SAP30: variants seen among roughly 807,000 people sequenced by gnomAD.
SAP30 encodes histone deacetylase complex subunit SAP30.
A neutral mutation model predicts 19.6 loss-of-function variants in SAP30; 13 were observed. The observed-to-expected ratio is 0.66, with a 90% CI of 0.43 to 1.05. The LOEUF (loss-of-function observed/expected upper bound fraction) is 1.05, where lower values mean the gene tolerates loss of function less well. Ranked by LOEUF, SAP30 falls within the 50% of genes least tolerant of loss-of-function variation. The probability of loss-of-function intolerance (pLI) is 0.00; values close to 1 mark genes in which losing one functional copy is unlikely to be tolerated. For missense variants in SAP30, 257 were observed against 292.1 expected (o/e 0.88, Z 0.88); for synonymous variants, 108 against 122.7 (o/e 0.88, Z 0.79).
rs1298932888 is a variant in SAP30, at chr4:173,371,337, C to T, written c.155C>T (p.Ala52Val). The part of the protein sequence containing the change: ...AEVPGAGAVS[A>V]AGPPGAAGPG... ...GTGCCGGGCGCGGGGGCGGTCTCAG[C>T]GGCTGGGCCCCCGGGGGCGGCCGGG... The change falls in exon 1 of 4, where the codon GCG becomes GTG. Residue 52 changes from alanine (A) to valine (V), a missense_variant. Physicochemically the swap from Ala to Val is moderately conservative, Grantham distance 64. Transcript: ENST00000296504. This position sits in a 1 kb window ranked among gnomAD's most constrained non-coding sequence, Gnocchi z 6.4. 1.4e-5 allele frequency: 19 copies of T among 1,395,342 alleles called. No homozygotes were observed. Among genetic ancestry groups the T allele is most frequent in the Non-Finnish European group, 1.8e-5 (19 of 1,081,582 alleles). The allele number at this position is 1,395,342 out of a possible 1,614,324, so 86.4% of individuals were successfully genotyped here.
chr4:173,372,395 G>A (rs191702501), intron 1 of SAP30, among the ~76,000 whole-genome samples: 1 of 152,284 alleles, frequency 6.6e-6, no homozygotes, highest in East Asian at 1.9e-4. Flanking sequence ...TTTTTGAAAA[G>A]TTTATTTGTG....
rs1258014016 is a variant in SAP30 at position 173,371,406 on chromosome 4, G to T, written c.224G>T (p.Arg75Leu). ...QLCCLREDGE[R>L]CGRAAGNASF... The stretch of plus-strand genomic sequence containing the variant: ...TGCTGCCTGCGGGAGGATGGTGAGC[G>T]GTGCGGCCGGGCGGCAGGCAACGCC... The change falls in exon 1 of 4, where the codon CGG becomes CTG. Residue 75 changes from arginine to leucine, a missense_variant. Arg to Leu is a moderately radical substitution (Grantham distance 102). Transcript: ENST00000296504. The surrounding 1 kb of genome is among the most constrained non-coding windows in gnomAD (Gnocchi z 6.4). 3.1e-6 allele frequency: 5 copies of T among 1,588,726 alleles called. No individual in the cohort carries two copies. The highest frequency in any genetic ancestry group is 4.3e-6 in the Non-Finnish European group (5 of 1,174,682).
chr4:173,374,021 A>C lies in SAP30; in HGVS notation c.524A>C (p.Lys175Thr). The C allele has an allele frequency of 1.3e-6, 2 of 1,587,930 alleles. No individual in the cohort carries two copies. Among genetic ancestry groups the C allele is most frequent in the East Asian group, 2.3e-5 (1 of 44,144 alleles). ...FKLPTRPGLN[K>T]AQLVEIVGCH... Reference sequence around the variant, plus strand: ...CTACCAACCAGACCAGGACTTAATAAAGCACAACTTGTTGAGGTATATATG... The same window carrying C: ...CTACCAACCAGACCAGGACTTAATACAGCACAACTTGTTGAGGTATATATG... Residue 175 changes from lysine (K) to threonine (T), a missense_variant, in exon 3 of 4, where the codon AAA becomes ACA. Lys to Thr is a moderately conservative substitution (Grantham distance 78). Coordinates refer to ENST00000296504, the MANE Select transcript of SAP30 (RefSeq NM_003864.4).
intron 3 of SAP30, among the ~76,000 whole-genome samples, chr4:173,374,538 A>G (rs1324621768): frequency 6.6e-6 from 1 of 152,114 alleles, no homozygotes; most frequent in African/African-American, 2.4e-5. Flanking sequence ...ACCTCAGCCT[A>G]CCAGAGTGCT....
Position 173,377,200 on chromosome 4 carries a change from T to C in SAP30, c.541-5T>C. The C allele has an allele frequency of 1.9e-6, 3 of 1,564,472 alleles. No individual in the cohort carries two copies. The highest frequency in any genetic ancestry group is 2.6e-6 in the Non-Finnish European group (3 of 1,160,430). On this transcript the variant is annotated splice_polypyrimidine_tract_variant and splice_region_variant and intron_variant, in intron 3 of 3. Transcript: ENST00000296504. ...TAATTTCCTTAATTTTTCTTTTCTT[T>C]GTAGATAGTTGGTTGCCACTTTAGG...
chr4:173,373,408 T>C lies in SAP30; in HGVS notation c.334T>C (p.Cys112Arg). The C allele has an allele frequency of 6.2e-7, 1 of 1,609,196 alleles. No individual in the cohort carries two copies. The highest frequency in any genetic ancestry group is 8.5e-7 in the Non-Finnish European group (1 of 1,178,184). Residue 112 changes from cysteine (C) to arginine (R), a missense_variant, in exon 2 of 4, where the codon TGT becomes CGT. Coordinates refer to ENST00000296504, the MANE Select transcript of SAP30 (RefSeq NM_003864.4). The stretch of plus-strand genomic sequence containing the variant: ...GTTTCAGGCAAGGCATCTTTACATA[T>C]GTGATTATCATAAAAACTTAATTCA... Reference protein sequence around the residue: ...LDKSARHLYICDYHKNLIQSV... With the variant: ...LDKSARHLYIRDYHKNLIQSV...
Position 173,371,339 on chromosome 4 carries a change from GCTGGGCCC to G in SAP30, c.159_166del (p.Pro55GlyfsTer17). 1 of 1,414,564 alleles carries G rather than the reference GCTGGGCCC, an allele frequency of 7.1e-7. No homozygotes were observed. The highest frequency in any genetic ancestry group is 9.2e-7 in the Non-Finnish European group (1 of 1,090,510). 87.6% of individuals were successfully genotyped at this position (1,414,564 alleles called of 1,614,324 possible). A position where few individuals can be genotyped will look rare whatever the true frequency, so the allele number is the denominator to read the frequency against. On this transcript the variant is annotated frameshift_variant, in exon 1 of 4. Coordinates refer to ENST00000296504, the MANE Select transcript of SAP30 (RefSeq NM_003864.4). LOFTEE classifies it high-confidence loss of function. The surrounding 1 kb of genome is among the most constrained non-coding windows in gnomAD (Gnocchi z 6.4). ...GCCGGGCGCGGGGGCGGTCTCAGCG[GCTGGGCCC>G]CCGGGGGCGGCCGGGCCGGGCCCCG...
chr4:173,371,298 G>A lies in SAP30; in HGVS notation c.116G>A (p.Gly39Asp). 3 of 1,237,922 alleles carry A rather than the reference G, an allele frequency of 2.4e-6. No homozygotes were observed. Among genetic ancestry groups the A allele is most frequent in the Middle Eastern group, 3.2e-4 (1 of 3,136 alleles). The allele number at this position is 1,237,922 out of a possible 1,614,324, so 76.7% of individuals were successfully genotyped here. Residue 39 changes from glycine (G) to aspartate (D), a missense_variant, in exon 1 of 4, where the codon GGC becomes GAC. By Grantham distance (94) the Gly-to-Asp change is moderately conservative. Coordinates refer to ENST00000296504, the MANE Select transcript of SAP30 (RefSeq NM_003864.4). The surrounding 1 kb of genome is among the most constrained non-coding windows in gnomAD (Gnocchi z 6.4). ...AASAGNGTGA[G>D]TGAEVPGAGA... ...TCGGCGGGGAACGGGACCGGCGCGG[G>A]CACCGGGGCTGAGGTGCCGGGCGCG...
At position 173,371,028 on chromosome 4, in the gene SAP30, C is replaced by A; in HGVS notation, c.-155C>A. 2 of 817,284 alleles carry A rather than the reference C, an allele frequency of 2.4e-6. No homozygotes were observed. The highest frequency in any genetic ancestry group is 3.3e-6 in the Non-Finnish European group (2 of 599,610). 50.6% of individuals were successfully genotyped at this position (817,284 alleles called of 1,614,324 possible). A position where few individuals can be genotyped will look rare whatever the true frequency, so the allele number is the denominator to read the frequency against. On this transcript the variant is annotated 5_prime_UTR_variant, in exon 1 of 4. Coordinates refer to ENST00000296504, the MANE Select transcript of SAP30 (RefSeq NM_003864.4). The surrounding 1 kb of genome is among the most constrained non-coding windows in gnomAD (Gnocchi z 6.4). Reference sequence around the variant, plus strand: ...CTCAGCACTGTCCACTGTTTCGGTGCCAGCAGAGACCAGCAGGCCCGGGAC... The same window carrying A: ...CTCAGCACTGTCCACTGTTTCGGTGACAGCAGAGACCAGCAGGCCCGGGAC...
At chr4:173,374,759 G>A (rs1739007321) in intron 3 of SAP30, among the ~76,000 whole-genome samples, 1 of 152,078 alleles carries the variant, frequency 6.6e-6, no homozygotes, top group African/African-American at 2.4e-5. Flanking sequence ...CTACAAATCA[G>A]ACCCTAAACA....
At chr4:173,377,164 T>C in intron 3 of SAP30, 41 bp from the exon 4 acceptor site, 1 of 1,464,252 alleles carries the variant, frequency 6.8e-7, no homozygotes, top group Non-Finnish European at 9.2e-7. Context: ...AAACCTGTTA[T>C]ATCTAAAATT....
intron 3 of SAP30, among the ~76,000 whole-genome samples, chr4:173,374,390 C>T (rs1239923703): frequency 6.6e-6 from 1 of 152,166 alleles, no homozygotes; most frequent in African/African-American, 2.4e-5. Flanking sequence ...ATTCTCCAGC[C>T]TCAGCCTCCC....
At position 173,371,268 on chromosome 4, in the gene SAP30, C is replaced by T. The variant is rs779578954; in HGVS notation, c.86C>T (p.Ala29Val). 2 of 1,282,418 alleles carry T rather than the reference C, an allele frequency of 1.6e-6. No individual in the cohort carries two copies. Among genetic ancestry groups the T allele is most frequent in the Non-Finnish European group, 2.0e-6 (2 of 1,016,526 alleles). 79.4% of individuals were successfully genotyped at this position (1,282,418 alleles called of 1,614,324 possible). ...VAAVVAAAAA[A>V]ASAGNGTGAG... ...GCAGTGGTCGCTGCCGCGGCCGCCG[C>T]CGCCTCGGCGGGGAACGGGACCGGC... Residue 29 changes from alanine to valine, a missense_variant, in exon 1 of 4, where the codon GCC becomes GTC. Transcript: ENST00000296504. This position sits in a 1 kb window ranked among gnomAD's most constrained non-coding sequence, Gnocchi z 6.4.
At position 173,371,616 on chromosome 4, in the gene SAP30, T is replaced by A. The variant is rs1738936501; in HGVS notation, c.315+119T>A. On this transcript the variant is annotated intron_variant, in intron 1 of 3. Transcript: ENST00000296504. The surrounding 1 kb of genome is among the most constrained non-coding windows in gnomAD (Gnocchi z 6.4). ...CAACCGCACTGGCTGCAGTGCGGTCTCGTGGAGTCTGTGTTTGGAAGCAAA... is the reference window on the plus strand; with the variant it reads ...CAACCGCACTGGCTGCAGTGCGGTCACGTGGAGTCTGTGTTTGGAAGCAAA... 2 of 1,444,176 alleles carry A rather than the reference T, an allele frequency of 1.4e-6. No homozygotes were observed. Among genetic ancestry groups the A allele is most frequent in the Non-Finnish European group, 1.8e-6 (2 of 1,096,378 alleles). 89.5% of individuals were successfully genotyped at this position (1,444,176 alleles called of 1,614,324 possible).
In SAP30 at chr4:173,373,644, A is replaced by G. The variant is rs901196560; in HGVS notation, c.441+129A>G. The G allele has an allele frequency of 6.3e-6, 6 of 952,320 alleles. No individual in the cohort carries two copies. In the South Asian group the frequency reaches 1.4e-4, roughly 22 times the overall value. The allele number at this position is 952,320 out of a possible 1,614,324, so 59.0% of individuals were successfully genotyped here. A position where few individuals can be genotyped will look rare whatever the true frequency, so the allele number is the denominator to read the frequency against. ...AATCTGAAAATGAAAGCAAAATTAAATATAGCCAGTTGACATGCATTTACA... is the reference window on the plus strand; with the variant it reads ...AATCTGAAAATGAAAGCAAAATTAAGTATAGCCAGTTGACATGCATTTACA... On this transcript the variant is annotated intron_variant, in intron 2 of 3. Coordinates refer to ENST00000296504, the MANE Select transcript of SAP30 (RefSeq NM_003864.4).
At position 173,374,035 on chromosome 4, in the gene SAP30, G is replaced by A; in HGVS notation, c.538G>A (p.Glu180Lys). The A allele has an allele frequency of 6.4e-7, 1 of 1,561,444 alleles. No individual in the cohort carries two copies. Among genetic ancestry groups the A allele is most frequent in the South Asian group, 1.1e-5 (1 of 86,994 alleles). Residue 180 changes from glutamate (E) to lysine (K), a missense_variant and splice_region_variant, in exon 3 of 4, where the codon GAG becomes AAG. Transcript: ENST00000296504. ...AGGACTTAATAAAGCACAACTTGTTGAGGTATATATGAGTTTTAAACTATT... is the reference window on the plus strand; with the variant it reads ...AGGACTTAATAAAGCACAACTTGTTAAGGTATATATGAGTTTTAAACTATT... ...RPGLNKAQLV[E>K]IVGCHFRSIP...
At position 173,371,364 on chromosome 4, in the gene SAP30, C is replaced by T; in HGVS notation, c.182C>T (p.Pro61Leu). The T allele has an allele frequency of 1.3e-6, 2 of 1,521,182 alleles. No homozygotes were observed. The highest frequency in any genetic ancestry group is 1.7e-6 in the Non-Finnish European group (2 of 1,144,618). 94.2% of individuals were successfully genotyped at this position (1,521,182 alleles called of 1,614,324 possible). The part of the protein sequence containing the change: ...SAAGPPGAAG[P>L]GPGQLCCLRE... ...GCTGGGCCCCCGGGGGCGGCCGGGC[C>T]GGGCCCCGGGCAACTGTGCTGCCTG... The change falls in exon 1 of 4, where the codon CCG becomes CTG. Residue 61 changes from proline to leucine, a missense_variant. Physicochemically the swap from Pro to Leu is moderately conservative, Grantham distance 98. Coordinates refer to ENST00000296504, the MANE Select transcript of SAP30 (RefSeq NM_003864.4). The surrounding 1 kb of genome is among the most constrained non-coding windows in gnomAD (Gnocchi z 6.4).
intron 2 of SAP30, 67 bp downstream of exon 2, chr4:173,373,582 A>G: frequency 7.1e-7 from 1 of 1,416,578 alleles, no homozygotes; most frequent in Non-Finnish European, 9.4e-7. Context: ...TTATAAAAAG[A>G]TATGAACAAT....
At position 173,371,251 on chromosome 4, in the gene SAP30, C is replaced by G; in HGVS notation, c.69C>G (p.Val23=). ...GDAAAAVAAV[V]AAAAAAASAG... is the part of the protein sequence containing the mutation. ...CGGCCGCCGCAGTGGCCGCAGTGGT[C>G]GCTGCCGCGGCCGCCGCCGCCTCGG... The change falls in exon 1 of 4, where the codon GTC becomes GTG. Residue 23 remains valine, a synonymous_variant. Transcript: ENST00000296504. The surrounding 1 kb of genome is among the most constrained non-coding windows in gnomAD (Gnocchi z 6.4). 7.6e-7 allele frequency: 1 copy of G among 1,324,348 alleles called. No homozygotes were observed. The highest frequency in any genetic ancestry group is 9.6e-7 in the Non-Finnish European group (1 of 1,038,928). The allele number at this position is 1,324,348 out of a possible 1,614,324, so 82.0% of individuals were successfully genotyped here.
Sources: allele counts gnomAD v4.1 joint callset (sites outside exome capture counted in the v4.1 genomes callset), GRCh38; gene constraint gnomAD v4.1.1; non-coding constraint Gnocchi (gnomAD v3.1); transcripts MANE v1.5; gene names NCBI Gene and HGNC (gene_info 2026-07-23, HGNC 2026-07-21).